TTF1: variants seen among roughly 807,000 people sequenced by gnomAD.
TTF1 encodes the protein transcription termination factor 1.
A neutral mutation model predicts 80.2 loss-of-function variants in TTF1; 64 were observed. The observed-to-expected ratio is 0.80, with a 90% CI of 0.65 to 0.98. TTF1 has a LOEUF of 0.98. TTF1 is among the 50% of genes least tolerant of loss of function. The pLI, the probability that TTF1 is intolerant of heterozygous loss-of-function variation, is 0.00. For synonymous variants in TTF1, 372 were observed against 382.7 expected (o/e 0.97, Z 0.33); for missense variants, 1,023 against 1,086.2 (o/e 0.94, Z 0.82).
chr9:132,392,114 C>T lies in TTF1; in HGVS notation c.1949G>A (p.Ser650Asn). The T allele has an allele frequency of 6.2e-7, 1 of 1,614,122 alleles. No homozygotes were observed. Residue 650 changes from serine to asparagine, a missense_variant, in exon 6 of 11, where the codon AGC becomes AAC. By Grantham distance (46) the Ser-to-Asn change is conservative. Transcript: ENST00000334270. Reference protein sequence around the residue: ...KTIGEMVARSSLSVALKFSQI... With the variant: ...KTIGEMVARSNLSVALKFSQI... ...TGAGAACTTGAGGGCCACGGAGAGGCTACTTCGGGCCACCATCTCACCAAT... is the reference window on the plus strand; with the variant it reads ...TGAGAACTTGAGGGCCACGGAGAGGTTACTTCGGGCCACCATCTCACCAAT...
In TTF1 at chr9:132,375,585, A is replaced by G. The variant is rs1025205106; in HGVS notation, c.*330T>C. ...AATACGTTTTAATAGGAATGGCAAT[A>G]TATTTTAATGCTCCAGAGGAAAGAG... On this transcript the variant is annotated 3_prime_UTR_variant, in exon 11 of 11. Transcript: ENST00000334270. 8.3e-5 allele frequency: 15 copies of G among 180,340 alleles called. No individual in the cohort carries two copies. Among genetic ancestry groups the G allele is most frequent in the East Asian group, 2.8e-4 (2 of 7,142 alleles). 11.2% of individuals were successfully genotyped at this position (180,340 alleles called of 1,614,324 possible). A position where few individuals can be genotyped will look rare whatever the true frequency, so the allele number is the denominator to read the frequency against.
At chr9:132,390,491 G>A (rs1316340402) in intron 7 of TTF1, 106 bp downstream of exon 7, 2 of 1,121,176 alleles carry the variant, frequency 1.8e-6, no homozygotes, top group Non-Finnish European at 2.6e-6. Context: ...AGACACGATT[G>A]TTCTTGACAC....
At chr9:132,403,539 T>G (rs1849808206) in intron 1 of TTF1, among the ~76,000 whole-genome samples, 1 of 152,128 alleles carries the variant, frequency 6.6e-6, no homozygotes, top group African/African-American at 2.4e-5. Context: ...CCTTCAGAGC[T>G]TGGTTTGAAG....
At chr9:132,405,657 G>A (rs1218546953) in intron 1 of TTF1, among the ~76,000 whole-genome samples, 1 of 152,150 alleles carries the variant, frequency 6.6e-6, no homozygotes, top group African/African-American at 2.4e-5. Context: ...GGGTTCCCCT[G>A]TTATTCTTAA....
chr9:132,377,362 TGA>T (rs1334173175), intron 10 of TTF1, among the ~76,000 whole-genome samples: 3 of 144,080 alleles, frequency 2.1e-5, no homozygotes, highest in Non-Finnish European at 4.5e-5. Flanking sequence ...GTGGTGTGTG[TGA>T]GTGCATGTGG....
Position 132,401,544 on chromosome 9 carries a change from G to A in TTF1, c.1278C>T (p.Gly426=), listed in dbSNP as rs767271443. The part of the protein sequence containing the change: ...STLFDSVEGD[G]AMMEEGVKSR... ...ATTTCACACCTTCTTCCATCATGGCGCCATCACCTTCTACTGAATCAAAGA... is the reference window on the plus strand; with the variant it reads ...ATTTCACACCTTCTTCCATCATGGCACCATCACCTTCTACTGAATCAAAGA... The change falls in exon 2 of 11, where the codon GGC becomes GGT. Residue 426 remains glycine (G), a synonymous_variant. Coordinates refer to ENST00000334270, the MANE Select transcript of TTF1 (RefSeq NM_007344.4). 16 of 1,613,934 alleles carry A rather than the reference G, an allele frequency of 9.9e-6. No homozygotes were observed. The highest frequency in any genetic ancestry group is 7.7e-5 in the South Asian group (7 of 91,092).
intron 9 of TTF1, among the ~76,000 whole-genome samples, chr9:132,381,442 G>A (rs1416317908): frequency 1.3e-5 from 2 of 152,126 alleles, no homozygotes; most frequent in African/African-American, 4.8e-5. Context: ...CACCCGCCTT[G>A]GCCTCCCAAA....
intron 5 of TTF1, among the ~76,000 whole-genome samples, chr9:132,395,648 A>G (rs184165607): frequency 6.6e-6 from 1 of 152,356 alleles, no homozygotes; most frequent in Admixed American, 6.5e-5. Flanking sequence ...AAGGAAACCG[A>G]GGTCATATCA....
In TTF1 at chr9:132,388,161, C is replaced by A. The variant is rs754605790; in HGVS notation, c.2290G>T (p.Ala764Ser). 5 of 1,611,884 alleles carry A rather than the reference C, an allele frequency of 3.1e-6. No homozygotes were observed. In the South Asian group the frequency reaches 5.5e-5, roughly 18 times the overall value. Residue 764 changes from alanine to serine, a missense_variant, in exon 8 of 11, where the codon GCC (alanine) becomes TCC (serine). Transcript: ENST00000334270. ...RIYYGMNALR[A>S]KVSLIERLYE... is the part of the protein sequence containing the mutation. ...TACCTTTCAATAAGGCTGACCTTGG[C>A]CCGCAGGGCATTCATGCCATAGTAG...
intron 5 of TTF1, among the ~76,000 whole-genome samples, chr9:132,392,839 AAAAC>A (rs1158048679): frequency 6.6e-6 from 1 of 152,260 alleles, no homozygotes; most frequent in East Asian, 1.9e-4. Flanking sequence ...ATGAAAAACA[AAAAC>A]AAAAAATAAT....
chr9:132,390,901 A>G lies in TTF1; in HGVS notation c.1988-70T>C, dbSNP rs1458527896. On this transcript the variant is annotated intron_variant, in intron 6 of 10. Coordinates refer to ENST00000334270, the MANE Select transcript of TTF1 (RefSeq NM_007344.4). ...TTTCAAACACAATATTAAAAATGAA[A>G]TGATAAATCGGGTACTTTTCAGAAA... 21 of 1,428,464 alleles carry G rather than the reference A, an allele frequency of 1.5e-5. No individual in the cohort carries two copies. The South Asian group carries it at 1.9e-4, about 13-fold the overall frequency. The allele number at this position is 1,428,464 out of a possible 1,614,324, so 88.5% of individuals were successfully genotyped here.
At chr9:132,404,142 T>G (rs1290891665) in intron 1 of TTF1, among the ~76,000 whole-genome samples, 2 of 152,360 alleles carry the variant, frequency 1.3e-5, no homozygotes, top group East Asian at 3.9e-4. Flanking sequence ...AAAATGATCT[T>G]CATATTTCCT....
chr9:132,377,406 T>C (rs1438687980), intron 10 of TTF1, among the ~76,000 whole-genome samples: 1 of 117,650 alleles, frequency 8.5e-6, no homozygotes, highest in Non-Finnish European at 1.7e-5. Flanking sequence ...TGAGTGCATG[T>C]GGTGTGTGTG....
chr9:132,391,984 G>A (rs1419658256), intron 6 of TTF1, 92 bp downstream of exon 6: 9 of 1,568,930 alleles, frequency 5.7e-6, no homozygotes, highest in Admixed American at 3.6e-5. Context: ...ACAGGTCTAC[G>A]GTGATTTCCG....
chr9:132,401,251 G>C (rs1039055283), intron 2 of TTF1, among the ~76,000 whole-genome samples: 1 of 151,956 alleles, frequency 6.6e-6, no homozygotes, highest in Non-Finnish European at 1.5e-5. Flanking sequence ...GCTTGAACCC[G>C]GGAAGTGGAG....
At chr9:132,379,852 G>C (rs1350534802) in intron 9 of TTF1, among the ~76,000 whole-genome samples, 1 of 152,120 alleles carries the variant, frequency 6.6e-6, no homozygotes, top group Non-Finnish European at 1.5e-5. Flanking sequence ...GTATTTTAAA[G>C]TAAAAAACCA....
intron 9 of TTF1, among the ~76,000 whole-genome samples, chr9:132,385,375 A>G (rs550058962): frequency 1.3e-5 from 2 of 152,248 alleles, no homozygotes; most frequent in Non-Finnish European, 2.9e-5. Flanking sequence ...TGGGTACACA[A>G]AGGTAACTGG....
In TTF1 at chr9:132,403,759, C is replaced by T. The variant is rs150213923; in HGVS notation, c.-7-931G>A. On this transcript the variant is annotated intron_variant, in intron 1 of 10. Transcript: ENST00000334270. Reference sequence around the variant, plus strand: ...CTCTGTGTTTGTACCATGGAGAAGCCATTAGACTCCATTCGAGTGCAGGAT... The same window carrying T: ...CTCTGTGTTTGTACCATGGAGAAGCTATTAGACTCCATTCGAGTGCAGGAT... Among the ~76,000 whole-genome samples, 21 of 152,254 alleles carry T rather than the reference C, an allele frequency of 1.4e-4. No individual in the cohort carries two copies. The East Asian group carries it at 3.9e-3, about 28-fold the overall frequency.
chr9:132,397,140 A>G (rs975404412), intron 4 of TTF1, among the ~76,000 whole-genome samples: 3 of 152,350 alleles, frequency 2.0e-5, no homozygotes, highest in African/African-American at 7.2e-5. Context: ...CGGTCTATGC[A>G]ATTTGTGGAA....
Sources: allele counts gnomAD v4.1 joint callset (sites outside exome capture counted in the v4.1 genomes callset), GRCh38; gene constraint gnomAD v4.1.1; transcripts MANE v1.5; gene names NCBI Gene and HGNC (gene_info 2026-07-23, HGNC 2026-07-21).